Variants in SLC22A24 observed in about 807,000 individuals in gnomAD.
SLC22A24 encodes steroid transmembrane transporter SLC22A24.
Under a neutral mutation model 49.8 loss-of-function variants are expected in SLC22A24, and 53 were observed. That is an observed-to-expected ratio of 1.06 (90% CI 0.85 to 1.34). The LOEUF is 1.34. SLC22A24 is among the 40% of genes most tolerant of loss of function. The pLI is 0.00. For synonymous variants in SLC22A24, 302 were observed against 256.4 expected (o/e 1.18, Z -1.70); for missense variants, 786 against 675.9 (o/e 1.16, Z -1.81).
At chr11:63,090,675 A>AAATAAATC (rs1406348191) in intron 6 of SLC22A24, among the ~76,000 whole-genome samples, 1 of 147,490 alleles carries the variant, frequency 6.8e-6, no homozygotes, top group Non-Finnish European at 1.5e-5. Flanking sequence ...ATAAATAAAT[A>AAATAAATC]AATAAATAAA....
intron 2 of SLC22A24, among the ~76,000 whole-genome samples, chr11:63,127,332 T>A (rs2087298848): frequency 1.3e-5 from 2 of 152,236 alleles, no homozygotes; most frequent in South Asian, 4.1e-4. Context: ...GGCTGCATAG[T>A]ATTCCATGGT....
intron 1 of SLC22A24, among the ~76,000 whole-genome samples, chr11:63,140,180 C>T (rs10792397): frequency 0.76 from 113,155 of 149,264 alleles, 44,444 homozygotes; most frequent in East Asian, 0.9. Flanking sequence ...CTCCTGGATT[C>T]AAGCAATTCT....
rs546244895 is a variant in SLC22A24, at chr11:63,083,244, T to C, written c.1284A>G (p.Gln428=). The change falls in exon 7 of 10, where the codon CAA becomes CAG. Residue 428 remains glutamine, a splice_region_variant and synonymous_variant. Transcript: ENST00000612278. The part of the protein sequence containing the change: ...LFILVNTFLP[Q]EMQILRVVLA... Reference sequence around the variant, plus strand: ...TCCTGAAACTCCTGTCTCTCTCACCTTGGGGCAAAAAGGTGTTGACCAGAA... The same window carrying C: ...TCCTGAAACTCCTGTCTCTCTCACCCTGGGGCAAAAAGGTGTTGACCAGAA... The C allele has an allele frequency of 6.4e-7, 1 of 1,553,222 alleles. No homozygotes were observed. The highest frequency in any genetic ancestry group is 1.4e-5 in the African/African-American group (1 of 73,368).
At chr11:63,135,269 C>G (rs112170989) in intron 1 of SLC22A24, among the ~76,000 whole-genome samples, 1 of 152,166 alleles carries the variant, frequency 6.6e-6, no homozygotes, top group Non-Finnish European at 1.5e-5. Context: ...TAAGTCTCAT[C>G]TTTGTCCACA....
At chr11:63,140,571 G>C (rs1469025004) in intron 1 of SLC22A24, among the ~76,000 whole-genome samples, 1 of 152,138 alleles carries the variant, frequency 6.6e-6, no homozygotes, top group Non-Finnish European at 1.5e-5. Context: ...CACATGAAGA[G>C]CCTCGCCCTT....
At chr11:63,140,067 GTTTTTTTGTTTTT>G (rs1312914132) in intron 1 of SLC22A24, among the ~76,000 whole-genome samples, 13 of 112,198 alleles carry the variant, frequency 1.2e-4, no homozygotes, top group East Asian at 5.7e-4. Flanking sequence ...CAGTTTTTTT[GTTTTTTTGTTTTT>G]TTTTTTTGTT....
At chr11:63,116,979 T>C (rs770539102) in intron 4 of SLC22A24, among the ~76,000 whole-genome samples, 6 of 152,186 alleles carry the variant, frequency 3.9e-5, no homozygotes, top group Non-Finnish European at 7.3e-5. Flanking sequence ...TTTTTTTGTA[T>C]TTTTTTGTTA....
At chr11:63,121,628 CT>C (rs925682872) in intron 2 of SLC22A24, among the ~76,000 whole-genome samples, 27 of 151,872 alleles carry the variant, frequency 1.8e-4, no homozygotes, top group African/African-American at 5.8e-4. Context: ...TTTTATTTTA[CT>C]TTTTTTAAGT....
chr11:63,091,307 G>C (rs576583740), intron 6 of SLC22A24, among the ~76,000 whole-genome samples: 13 of 152,100 alleles, frequency 8.5e-5, no homozygotes, highest in African/African-American at 2.9e-4. Context: ...GAGATTCACA[G>C]CCGAAGTCTA....
At chr11:63,096,610 T>G (rs1262286333) in intron 5 of SLC22A24, among the ~76,000 whole-genome samples, 1 of 152,176 alleles carries the variant, frequency 6.6e-6, no homozygotes, top group Non-Finnish European at 1.5e-5. Flanking sequence ...AATAAAAATA[T>G]GTGTGCATGT....
chr11:63,131,550 C>A (rs74486190), intron 2 of SLC22A24, among the ~76,000 whole-genome samples: 117 of 152,164 alleles, frequency 7.7e-4, no homozygotes, highest in African/African-American at 2.7e-3. Flanking sequence ...CTTAGTTTGG[C>A]GGGACGTGAA....
chr11:63,083,204 G>T (rs771072733), intron 7 of SLC22A24, 39 bp downstream of exon 7: 7 of 1,488,086 alleles, frequency 4.7e-6, no homozygotes, highest in South Asian at 1.2e-5. Flanking sequence ...GGAGAATGGG[G>T]GTAACTACTT....
chr11:63,129,692 C>T (rs1318234898), intron 2 of SLC22A24, among the ~76,000 whole-genome samples: 1 of 152,148 alleles, frequency 6.6e-6, no homozygotes, highest in African/African-American at 2.4e-5. Context: ...AGGTTCTTCA[C>T]ATCCCTTGTA....
chr11:63,113,828 TG>T (rs2087193112), intron 4 of SLC22A24, among the ~76,000 whole-genome samples: 1 of 137,592 alleles, frequency 7.3e-6, no homozygotes, highest in South Asian at 2.3e-4. Flanking sequence ...CACTCCAGCC[TG>T]GGCAACAGCG....
chr11:63,134,619 T>C (rs1264483708), intron 2 of SLC22A24, 46 bp downstream of exon 2: 2 of 1,079,436 alleles, frequency 1.9e-6, no homozygotes, highest in East Asian at 2.6e-5. Context: ...AAGGAATGAA[T>C]ATATCATCTG....
intron 1 of SLC22A24, among the ~76,000 whole-genome samples, chr11:63,135,790 A>G (rs2087369862): frequency 6.6e-6 from 1 of 152,226 alleles, no homozygotes. Context: ...TGCAACATCA[A>G]CAATGCATTT....
At chr11:63,134,179 A>G (rs2134681032) in intron 2 of SLC22A24, among the ~76,000 whole-genome samples, 1 of 152,240 alleles carries the variant, frequency 6.6e-6, no homozygotes, top group East Asian at 1.9e-4. Flanking sequence ...GCACATGAGC[A>G]CTTATGCTGC....
intron 9 of SLC22A24, among the ~76,000 whole-genome samples, chr11:63,080,698 G>A (rs1040754088): frequency 6.6e-6 from 1 of 152,166 alleles, no homozygotes; most frequent in African/African-American, 2.4e-5. Flanking sequence ...GAACCTTCTG[G>A]TGTGAAATGG....
At chr11:63,084,484 C>T (rs1412407511) in intron 6 of SLC22A24, among the ~76,000 whole-genome samples, 1 of 152,048 alleles carries the variant, frequency 6.6e-6, no homozygotes, top group African/African-American at 2.4e-5. Flanking sequence ...AATTGATTAG[C>T]AGGGCCTAGA....
Sources: allele counts gnomAD v4.1 joint callset (sites outside exome capture counted in the v4.1 genomes callset), GRCh38; gene constraint gnomAD v4.1.1; transcripts MANE v1.5; gene names NCBI Gene and HGNC (gene_info 2026-07-23, HGNC 2026-07-21).